Variants in LEF1 observed in about 807,000 individuals in gnomAD.
LEF1 encodes lymphoid enhancer binding factor 1.
LEF1 carries 14 observed loss-of-function variants against 51.2 expected under a neutral mutation model. The ratio of observed to expected loss-of-function variants is 0.27; its 90% CI spans 0.18 to 0.43. LEF1 has a LOEUF of 0.43. LEF1 is among the 20% of genes least tolerant of loss of function. LEF1 has a pLI of 1.00. For missense variants in LEF1, 386 were observed against 512.0 expected (o/e 0.75, Z 2.37); for synonymous variants, 185 against 183.2 (o/e 1.01, Z -0.08).
intron 3 of LEF1, among the ~76,000 whole-genome samples, chr4:108,109,784 A>T (rs1048608016): frequency 9.9e-5 from 15 of 152,254 alleles, no homozygotes; most frequent in African/African-American, 3.4e-4. Context: ...ATACATAGAG[A>T]TGGTTTTTTT....
At chr4:108,142,873 T>C (rs1743760596) in intron 3 of LEF1, among the ~76,000 whole-genome samples, 2 of 152,232 alleles carry the variant, frequency 1.3e-5, no homozygotes, top group Admixed American at 1.3e-4. Context: ...ATTTATAAAA[T>C]AAAATGCATC....
intron 6 of LEF1, 92 bp downstream of exon 6, chr4:108,081,494 C>T: frequency 1.0e-6 from 1 of 986,376 alleles, no homozygotes; most frequent in Non-Finnish European, 1.6e-6. Context: ...ATGCACCCTC[C>T]TAGCCAACCA....
Position 108,123,487 on chromosome 4 carries a change from C to T in LEF1, c.415-34230G>A, listed in dbSNP as rs148638989. 1.7e-3 allele frequency among the ~76,000 whole-genome samples: 205 copies of T among 122,608 alleles called. 1 individual carries two copies. Among genetic ancestry groups the T allele is most frequent in the African/African-American group, 6.3e-3 (191 of 30,424 alleles). 80.4% of individuals were successfully genotyped at this position (122,608 alleles called of 152,430 possible). On this transcript the variant is annotated intron_variant, in intron 3 of 11. Transcript: ENST00000265165. ...ACCTATTAGTCTACTTTTTATCCTG[C>T]GTACCCTACAAGATAGAATCTGAAG...
chr4:108,136,903 T>C (rs1211165514), intron 3 of LEF1, among the ~76,000 whole-genome samples: 2 of 152,230 alleles, frequency 1.3e-5, no homozygotes, highest in Non-Finnish European at 2.9e-5. Flanking sequence ...ATAAGGGCTC[T>C]AAGTCTTCCT....
intron 3 of LEF1, among the ~76,000 whole-genome samples, chr4:108,152,343 G>A (rs1309852943): frequency 1.3e-5 from 2 of 152,228 alleles, no homozygotes; most frequent in Non-Finnish European, 2.9e-5. Flanking sequence ...AGAGTGGTGA[G>A]GAGGTAAGAC....
intron 3 of LEF1, among the ~76,000 whole-genome samples, chr4:108,129,271 C>A (rs1578377103): frequency 6.6e-6 from 1 of 152,154 alleles, no homozygotes; most frequent in South Asian, 2.1e-4. Flanking sequence ...ATTAGTCAAC[C>A]AAATCACTAG....
chr4:108,144,735 A>G (rs141212838), intron 3 of LEF1, among the ~76,000 whole-genome samples: 2 of 152,206 alleles, frequency 1.3e-5, no homozygotes, highest in East Asian at 3.9e-4. Context: ...CACGACCTCA[A>G]ATGATGTCAT....
chr4:108,106,491 G>C (rs1351921462), intron 3 of LEF1, among the ~76,000 whole-genome samples: 2 of 152,152 alleles, frequency 1.3e-5, no homozygotes, highest in Non-Finnish European at 1.5e-5. Context: ...GGCAGGATGA[G>C]GAAAGATGAT....
At chr4:108,108,379 T>C (rs780203032) in intron 3 of LEF1, among the ~76,000 whole-genome samples, 4 of 152,172 alleles carry the variant, frequency 2.6e-5, no homozygotes, top group Non-Finnish European at 4.4e-5. Flanking sequence ...TCTTCTAGAT[T>C]TGACTCACTC....
At chr4:108,077,409 C>G (rs1451829839) in intron 8 of LEF1, among the ~76,000 whole-genome samples, 3 of 150,412 alleles carry the variant, frequency 2.0e-5, no homozygotes, top group Non-Finnish European at 1.5e-5. Context: ...TGCCCGGCTG[C>G]CGCCCCGTCT....
intron 11 of LEF1, among the ~76,000 whole-genome samples, chr4:108,057,969 G>A (rs1037921245): frequency 1.3e-5 from 2 of 151,718 alleles, no homozygotes; most frequent in African/African-American, 4.9e-5. Context: ...CGCCTCCCAG[G>A]TTCAAGTGAT....
At chr4:108,135,231 C>T (rs1743181201) in intron 3 of LEF1, among the ~76,000 whole-genome samples, 1 of 152,196 alleles carries the variant, frequency 6.6e-6, no homozygotes, top group Non-Finnish European at 1.5e-5. Flanking sequence ...ATGAGGGAAG[C>T]TACAGACCAC....
chr4:108,069,980 T>C lies in LEF1; in HGVS notation c.1116+683A>G, dbSNP rs543537651. 2.1e-5 allele frequency among the ~76,000 whole-genome samples: 3 copies of C among 146,134 alleles called. No homozygotes were observed. The East Asian group carries it at 6.0e-4, about 29-fold the overall frequency. ...CTCAAAAAAAAAAAAAAACGCAAAA[T>C]AACTTTAAAACATTTATATCCTTTA... On this transcript the variant is annotated intron_variant, in intron 9 of 11. Coordinates refer to ENST00000265165, the MANE Select transcript of LEF1 (RefSeq NM_016269.5).
At chr4:108,075,389 A>G (rs545800853) in intron 8 of LEF1, 1 of 152,258 alleles carries the variant, frequency 6.6e-6, no homozygotes, top group Non-Finnish European at 1.5e-5. Context: ...TAAAATTATC[A>G]TCGACAATAG....
intron 3 of LEF1, among the ~76,000 whole-genome samples, chr4:108,125,458 C>T (rs148109431): frequency 2.0e-5 from 3 of 152,196 alleles, no homozygotes; most frequent in East Asian, 1.9e-4. Context: ...CCACCATACC[C>T]GGCCGTATCA....
intron 3 of LEF1, among the ~76,000 whole-genome samples, chr4:108,092,615 C>T (rs1159023848): frequency 6.6e-6 from 1 of 152,118 alleles, no homozygotes; most frequent in Non-Finnish European, 1.5e-5. Context: ...ATTCTTAATT[C>T]CATTCATTTA....
chr4:108,145,313 T>A (rs948777692), intron 3 of LEF1, among the ~76,000 whole-genome samples: 2 of 152,132 alleles, frequency 1.3e-5, no homozygotes, highest in Non-Finnish European at 2.9e-5. Flanking sequence ...TATCAACCCT[T>A]TAAGAGCTTG....
At chr4:108,077,764 G>A (rs923612524) in intron 8 of LEF1, among the ~76,000 whole-genome samples, 5 of 152,370 alleles carry the variant, frequency 3.3e-5, no homozygotes, top group South Asian at 2.1e-4. Flanking sequence ...GCCTCTGCCC[G>A]GCCTCTGTGC....
chr4:108,141,351 C>T (rs1743636665), intron 3 of LEF1, among the ~76,000 whole-genome samples: 1 of 152,092 alleles, frequency 6.6e-6, no homozygotes, highest in Non-Finnish European at 1.5e-5. Context: ...CTCTGCTGGA[C>T]AGCGTGACCA....
Sources: allele counts gnomAD v4.1 joint callset (sites outside exome capture counted in the v4.1 genomes callset), GRCh38; gene constraint gnomAD v4.1.1; transcripts MANE v1.5; gene names NCBI Gene and HGNC (gene_info 2026-07-23, HGNC 2026-07-21).